NVL: variants seen among roughly 807,000 people sequenced by gnomAD.
NVL encodes the protein nuclear valosin-containing protein-like.
Under a neutral mutation model 110.2 loss-of-function variants are expected in NVL, and 84 were observed. That is an observed-to-expected ratio of 0.76 (90% CI 0.64 to 0.91). NVL has a LOEUF of 0.91. Ranked by LOEUF, NVL falls within the 40% of genes least tolerant of loss-of-function variation. The probability of loss-of-function intolerance (pLI) is 0.00; values close to 1 mark genes in which losing one functional copy is unlikely to be tolerated. For synonymous variants in NVL, 354 were observed against 361.1 expected (o/e 0.98, Z 0.22); for missense variants, 882 against 1,035.9 (o/e 0.85, Z 2.04).
At chr1:224,230,407 A>G (rs1286783506) in intron 22 of NVL, among the ~76,000 whole-genome samples, 1 of 152,146 alleles carries the variant, frequency 6.6e-6, no homozygotes, top group East Asian at 1.9e-4. Flanking sequence ...GTTTGAGACC[A>G]GCCTCACCAA....
At position 224,319,702 on chromosome 1, in the gene NVL, T is replaced by C. The variant is rs553674011; in HGVS notation, c.132-1772A>G. 1.6e-4 allele frequency among the ~76,000 whole-genome samples: 24 copies of C among 152,306 alleles called. No individual in the cohort carries two copies. In the South Asian group the frequency reaches 4.8e-3, roughly 30 times the overall value. ...ATGTCTCCTCATTATTAAATTCAAG[T>C]TAAACATTTTTAGCAAGACCATCTG... On this transcript the variant is annotated intron_variant, in intron 2 of 22. Transcript: ENST00000281701.
At chr1:224,318,799 C>T (rs1283345505) in intron 2 of NVL, among the ~76,000 whole-genome samples, 3 of 150,020 alleles carry the variant, frequency 2.0e-5, no homozygotes, top group African/African-American at 7.4e-5. Flanking sequence ...CTGGCTAACA[C>T]GGTGAAACCT....
intron 18 of NVL, among the ~76,000 whole-genome samples, chr1:224,264,428 A>C (rs1469882732): frequency 6.6e-6 from 1 of 151,768 alleles, no homozygotes; most frequent in African/African-American, 2.4e-5. Context: ...TTGTATTATT[A>C]GTAGAGATGG....
intron 16 of NVL, among the ~76,000 whole-genome samples, chr1:224,279,690 A>C (rs1223859261): frequency 2.0e-5 from 3 of 152,192 alleles, no homozygotes; most frequent in African/African-American, 7.2e-5. Context: ...TTATTGAAGA[A>C]AATCCTAGAT....
rs1558311074 is a variant in NVL at position 224,289,559 on chromosome 1, A to G, written c.1500T>C (p.Asn500=). Residue 500 remains asparagine (N), a synonymous_variant, in exon 13 of 23, where the codon AAT becomes AAC. Transcript: ENST00000281701. Reference sequence around the variant, plus strand: ...TAGATGGCAAATCTTCCATTTCAGGATTTTTCTTCTGCTGTTCCTGTAGCT... The same window carrying G: ...TAGATGGCAAATCTTCCATTTCAGGGTTTTTCTTCTGCTGTTCCTGTAGCT... The part of the protein sequence containing the change: ...LMKLQEQQKK[N]PEMEDLPSKG... The G allele has an allele frequency of 5.0e-6, 8 of 1,614,122 alleles. No homozygotes were observed. Among genetic ancestry groups the G allele is most frequent in the Non-Finnish European group, 5.9e-6 (7 of 1,180,030 alleles).
chr1:224,241,852 G>A (rs1157539460), intron 19 of NVL, among the ~76,000 whole-genome samples: 1 of 79,002 alleles, frequency 1.3e-5, no homozygotes, highest in East Asian at 2.6e-4. Flanking sequence ...GTGAGACCTC[G>A]TCTCAAAAAA....
In NVL at chr1:224,326,740, A is replaced by G. The variant is rs73118062; in HGVS notation, c.58-276T>C. On this transcript the variant is annotated intron_variant, in intron 1 of 22. Coordinates refer to ENST00000281701, the MANE Select transcript of NVL (RefSeq NM_002533.4). ...TTACTTACTAATATCCTAGGTTTCC[A>G]AACACCCCAGAACACTGCAGTAAAC... Among the ~76,000 whole-genome samples the G allele has an allele frequency of 6.2e-3, 938 of 152,334 alleles. 9 individuals are homozygous for G. The highest frequency in any genetic ancestry group is 0.021 in the African/African-American group (881 of 41,582).
intron 19 of NVL, among the ~76,000 whole-genome samples, chr1:224,239,165 T>G (rs186443910): frequency 9.8e-5 from 15 of 152,290 alleles, no homozygotes; most frequent in Admixed American, 9.8e-4. Context: ...ACCACTTTTC[T>G]GTAGGTGTAT....
intron 4 of NVL, 50 bp from the exon 5 acceptor site, chr1:224,311,907 T>TA (rs1269865793): frequency 1.4e-6 from 2 of 1,403,800 alleles, no homozygotes; most frequent in South Asian, 1.2e-5. Flanking sequence ...TCCCATATCC[T>TA]AAAAAAATGA....
chr1:224,264,291 T>C (rs1664274262), intron 18 of NVL, among the ~76,000 whole-genome samples: 1 of 151,632 alleles, frequency 6.6e-6, no homozygotes, highest in East Asian at 1.9e-4. Context: ...TCGCCCAGGC[T>C]GGAATGCAGT....
At chr1:224,307,722 G>GCTATCTC (rs1669078261) in intron 6 of NVL, among the ~76,000 whole-genome samples, 2 of 122,630 alleles carry the variant, frequency 1.6e-5, no homozygotes, top group Non-Finnish European at 3.4e-5. Flanking sequence ...AAAAAAAAAA[G>GCTATCTC]CTATCTCTCT....
intron 9 of NVL, among the ~76,000 whole-genome samples, chr1:224,302,561 T>A (rs893290436): frequency 1.3e-5 from 2 of 152,218 alleles, no homozygotes; most frequent in African/African-American, 4.8e-5. Flanking sequence ...CCCTACAGTT[T>A]CTGAAAAATC....
At chr1:224,234,156 A>G (rs1225054794) in intron 20 of NVL, among the ~76,000 whole-genome samples, 1 of 56,832 alleles carries the variant, frequency 1.8e-5, no homozygotes, top group Non-Finnish European at 4.4e-5. Flanking sequence ...TACTTAAAAT[A>G]TGACAAATAC....
chr1:224,285,348 T>C (rs1254419003), intron 15 of NVL, among the ~76,000 whole-genome samples: 1 of 152,188 alleles, frequency 6.6e-6, no homozygotes, highest in African/African-American at 2.4e-5. Context: ...GGCAAGAGAA[T>C]TGATTGAACT....
chr1:224,322,101 GAC>G (rs1670708287), intron 2 of NVL, among the ~76,000 whole-genome samples: 1 of 152,102 alleles, frequency 6.6e-6, no homozygotes, highest in East Asian at 1.9e-4. Flanking sequence ...TTTTTTAAGA[GAC>G]AGGGTCTTGC....
Position 224,280,169 on chromosome 1 carries a change from G to GT in NVL, c.1962+953dup, listed in dbSNP as rs1225902326. On this transcript the variant is annotated intron_variant, in intron 16 of 22. Transcript: ENST00000281701. ...TGCAAGAAGCTTTAAGTGTACTGCTGTTTTTTTTTGTTTTTTTTTTTTTTG... is the reference window on the plus strand; with the variant it reads ...TGCAAGAAGCTTTAAGTGTACTGCTGTTTTTTTTTTGTTTTTTTTTTTTTTG... 5.0e-3 allele frequency among the ~76,000 whole-genome samples: 658 copies of GT among 130,878 alleles called. 8 individuals are homozygous for GT. Among genetic ancestry groups the GT allele is most frequent in the East Asian group, 0.025 (118 of 4,730 alleles). The allele number at this position is 130,878 out of a possible 152,430, so 85.9% of individuals were successfully genotyped here. A position where few individuals can be genotyped will look rare whatever the true frequency, so the allele number is the denominator to read the frequency against.
At chr1:224,260,311 G>A (rs931737091) in intron 18 of NVL, among the ~76,000 whole-genome samples, 2 of 152,148 alleles carry the variant, frequency 1.3e-5, no homozygotes, top group Admixed American at 6.5e-5. Context: ...CTGTCACCAG[G>A]CTGAAGTGCA....
chr1:224,257,569 C>G (rs541780457), intron 18 of NVL, among the ~76,000 whole-genome samples: 1 of 151,988 alleles, frequency 6.6e-6, no homozygotes, highest in Non-Finnish European at 1.5e-5. Flanking sequence ...CACTCTGTAG[C>G]GCAGGCTGGA....
At chr1:224,320,491 A>G (rs1670533592) in intron 2 of NVL, among the ~76,000 whole-genome samples, 1 of 152,146 alleles carries the variant, frequency 6.6e-6, no homozygotes. Context: ...TACTAAAAAT[A>G]CAAAAATCAG....
Sources: gnomAD v4.1 joint callset for allele counts (sites outside exome capture counted in the v4.1 genomes callset) on GRCh38, gnomAD v4.1.1 for gene constraint, MANE v1.5 for transcripts, NCBI Gene and HGNC (gene_info 2026-07-23, HGNC 2026-07-21) for gene names.